Variants in CD163L1 observed in about 807,000 individuals in gnomAD.
CD163L1 encodes CD163 molecule like 1.
In CD163L1, 124 loss-of-function variants were observed where a neutral mutation model predicts 165.4. That is an observed-to-expected ratio of 0.75 (90% CI 0.65 to 0.87). CD163L1 has a LOEUF of 0.87. Ranked by LOEUF, CD163L1 falls within the 40% of genes least tolerant of loss-of-function variation. CD163L1 has a pLI of 0.00. For synonymous variants in CD163L1, 585 were observed against 662.2 expected, an observed-to-expected ratio of 0.88 and a Z score of 1.79; for missense variants, 1,525 against 1,799.9, an observed-to-expected ratio of 0.85 and a Z score of 2.76.
chr12:7,424,890 T>C (rs1450688589), intron 4 of CD163L1, among the ~76,000 whole-genome samples: 2 of 152,016 alleles, frequency 1.3e-5, no homozygotes, highest in African/African-American at 4.8e-5. Flanking sequence ...GATTCAATAC[T>C]GTGAAAATGG....
downstream of CD163L1, among the ~76,000 whole-genome samples, chr12:7,343,526 G>A (rs2037037308): frequency 6.6e-6 from 1 of 152,136 alleles, no homozygotes. Context: ...ATGGTGGAAG[G>A]CAAAGGGAGA....
intron 17 of CD163L1, chr12:7,367,540 A>G: frequency 2.4e-6 from 1 of 410,706 alleles, no homozygotes; most frequent in Non-Finnish European, 4.5e-6. Flanking sequence ...TTTATTACCA[A>G]GTTCTTTACA....
intron 1 of CD163L1, among the ~76,000 whole-genome samples, chr12:7,442,050 TAATA>T (rs1041521067): frequency 7.2e-5 from 11 of 152,190 alleles, no homozygotes; most frequent in Non-Finnish European, 1.2e-4. Context: ...TGAATCAGTG[TAATA>T]AATAAAATTT....
chr12:7,331,194 C>G, the CD163L1 span, among the ~76,000 whole-genome samples: 1 of 152,228 alleles, frequency 6.6e-6, no homozygotes, highest in South Asian at 2.1e-4. Context: ...ATTGCTAGCA[C>G]AGCAGTCTGA....
chr12:7,442,975 C>T (rs868468061), intron 1 of CD163L1, among the ~76,000 whole-genome samples: 2 of 152,200 alleles, frequency 1.3e-5, no homozygotes, highest in South Asian at 4.1e-4. Flanking sequence ...CTAATACCAT[C>T]TCACCAATTC....
intron 4 of CD163L1, among the ~76,000 whole-genome samples, chr12:7,407,140 A>T (rs1948040367): frequency 6.6e-6 from 1 of 152,174 alleles, no homozygotes; most frequent in African/African-American, 2.4e-5. Context: ...AAATCAATCA[A>T]AGGTCAATAA....
chr12:7,392,796 T>TG (rs1194092246), intron 8 of CD163L1, among the ~76,000 whole-genome samples: 3 of 152,134 alleles, frequency 2.0e-5, no homozygotes, highest in Non-Finnish European at 2.9e-5. Flanking sequence ...TAAACACCTC[T>TG]ACGCAAATAA....
chr12:7,359,387 T>C (rs1017278124), intron 18 of CD163L1, among the ~76,000 whole-genome samples: 1 of 152,034 alleles, frequency 6.6e-6, no homozygotes, highest in Non-Finnish European at 1.5e-5. Flanking sequence ...AAATTGTCTA[T>C]AGAGGAGCAA....
chr12:7,324,443 G>T, the CD163L1 span: 1 of 1,613,970 alleles, frequency 6.2e-7, no homozygotes, highest in Middle Eastern at 1.7e-4. Context: ...ATTCGACAGG[G>T]AGGGAGATCT....
At position 7,437,122 on chromosome 12, in the gene CD163L1, TTTTA is replaced by T. The variant is rs1490646320; in HGVS notation, c.125-3432_125-3429del. 9.1e-5 allele frequency among the ~76,000 whole-genome samples: 11 copies of T among 121,138 alleles called. 1 individual carries two copies. Among genetic ancestry groups the T allele is most frequent in the Admixed American group, 3.6e-4 (4 of 10,978 alleles). 79.5% of individuals were successfully genotyped at this position (121,138 alleles called of 152,430 possible). A position where few individuals can be genotyped will look rare whatever the true frequency, so the allele number is the denominator to read the frequency against. The stretch of plus-strand genomic sequence containing the variant: ...TGTTAATATATTAACAAATATATAT[TTTTA>T]TTTATTTTATTTATTATTTTTATTA... On this transcript the variant is annotated intron_variant, in intron 2 of 19. Coordinates refer to ENST00000313599, the MANE Select transcript of CD163L1 (RefSeq NM_174941.6).
chr12:7,441,577 C>T (rs1425584179), intron 1 of CD163L1, among the ~76,000 whole-genome samples: 1 of 152,198 alleles, frequency 6.6e-6, no homozygotes, highest in East Asian at 1.9e-4. Flanking sequence ...TACTTCTCAA[C>T]TCTTTGACCC....
At position 7,375,316 on chromosome 12, in the gene CD163L1, C is replaced by T; in HGVS notation, c.2966G>A (p.Cys989Tyr). 6.2e-7 allele frequency: 1 copy of T among 1,614,120 alleles called. No individual in the cohort carries two copies. The highest frequency in any genetic ancestry group is 8.5e-7 in the Non-Finnish European group (1 of 1,180,006). The change falls in exon 11 of 20, where the codon TGT (cysteine) becomes TAT (tyrosine). Residue 989 changes from cysteine to tyrosine, a missense_variant. Cys to Tyr is a radical substitution (Grantham distance 194). Transcript: ENST00000313599. ...CACAGAGACAGTATTTCCATGGATA[C>T]AGGGAGGTGCTCCAAGAACTGTCAT... ...CQMTVLGAPPCIHGNTVSVIC... is the reference protein window; with the variant it reads ...CQMTVLGAPPYIHGNTVSVIC...
intron 8 of CD163L1, among the ~76,000 whole-genome samples, chr12:7,391,748 T>A (rs928318156): frequency 2.0e-5 from 3 of 151,988 alleles, no homozygotes; most frequent in African/African-American, 7.2e-5. Flanking sequence ...ACAACTGGAA[T>A]GCAAAAAAGA....
chr12:7,386,058 T>C (rs1255734069), intron 8 of CD163L1, among the ~76,000 whole-genome samples: 1 of 151,922 alleles, frequency 6.6e-6, no homozygotes, highest in Non-Finnish European at 1.5e-5. Flanking sequence ...AAACAAAAAG[T>C]TGACTTTTTG....
intron 4 of CD163L1, among the ~76,000 whole-genome samples, chr12:7,421,538 C>CATATAT (rs1491435280): frequency 2.2e-4 from 15 of 68,970 alleles, no homozygotes; most frequent in African/African-American, 1.6e-3. Flanking sequence ...TATACATATA[C>CATATAT]GTACACATAT....
rs898609122 is a variant in CD163L1 at position 7,347,318 on chromosome 12, G to T, written c.*25-171C>A. Among the ~76,000 whole-genome samples, 1 of 152,072 alleles carries T rather than the reference G, an allele frequency of 6.6e-6. No homozygotes were observed. Among genetic ancestry groups the T allele is most frequent in the Non-Finnish European group, 1.5e-5 (1 of 68,002 alleles). On this transcript the variant is annotated intron_variant, in intron 4 of 4. Coordinates refer to the CD163L1 transcript ENST00000539726. This position sits in a 1 kb window ranked among gnomAD's most constrained non-coding sequence, Gnocchi z 4.2. ...TACCAGGAAATCATTGCTCTTCAAA[G>T]ATCCTCTTGGGCTAATGAATACCTG...
intron 9 of CD163L1, among the ~76,000 whole-genome samples, chr12:7,378,290 A>G (rs1947313660): frequency 6.6e-6 from 1 of 152,142 alleles, no homozygotes; most frequent in South Asian, 2.1e-4. Context: ...ATTATTCAAC[A>G]GCATGACTCC....
intron 4 of CD163L1, among the ~76,000 whole-genome samples, chr12:7,409,687 C>G (rs922192885): frequency 6.6e-6 from 1 of 152,162 alleles, no homozygotes; most frequent in Non-Finnish European, 1.5e-5. Context: ...AGACCCCTGT[C>G]GTAAAGGGTA....
At chr12:7,342,450 T>C (rs7489071), downstream of CD163L1, among the ~76,000 whole-genome samples, 9,316 of 152,318 alleles carry the variant, frequency 0.061, 380 homozygotes, top group East Asian at 0.16. Flanking sequence ...TATCACAGGC[T>C]TGCTGTTAAT....
Sources: allele counts gnomAD v4.1 joint callset (sites outside exome capture counted in the v4.1 genomes callset), GRCh38; gene constraint gnomAD v4.1.1; non-coding constraint Gnocchi (gnomAD v3.1); transcripts MANE v1.5; gene names NCBI Gene and HGNC (gene_info 2026-07-23, HGNC 2026-07-21).